The following NGEF variants were observed in gnomAD, a reference collection of about 807,000 sequenced individuals.
The protein encoded by NGEF is neuronal guanine nucleotide exchange factor.
Under a neutral mutation model 80.9 loss-of-function variants are expected in NGEF, and 31 were observed. The ratio of observed to expected loss-of-function variants is 0.38; its 90% CI spans 0.29 to 0.52. The LOEUF is 0.52. Among genes scored for constraint, NGEF ranks in the 20% least tolerant of loss-of-function variants. The probability of loss-of-function intolerance (pLI) is 0.84; values close to 1 mark genes in which losing one functional copy is unlikely to be tolerated. For synonymous variants in NGEF, 371 were observed against 370.2 expected (o/e 1.00, Z -0.03); for missense variants, 709 against 926.2 (o/e 0.77, Z 3.04).
At chr2:232,883,100 T>G (rs375105542) in intron 12 of NGEF, among the ~76,000 whole-genome samples, 1 of 151,128 alleles carries the variant, frequency 6.6e-6, no homozygotes, top group South Asian at 2.1e-4. Flanking sequence ...CGCACACACG[T>G]ACACGCGTAC....
chr2:232,993,226 A>AAATATATATATTTATTTTTATATAT (rs1342621051), intron 1 of NGEF, among the ~76,000 whole-genome samples: 1 of 42,878 alleles, frequency 2.3e-5, no homozygotes, highest in Non-Finnish European at 4.2e-5. Flanking sequence ...ATAGATACAC[A>AAATATATATATTTATTTTTATATAT]CATATATATG....
chr2:232,970,132 G>A (rs1168246939), intron 3 of NGEF, 82 bp downstream of exon 3: 2 of 688,952 alleles, frequency 2.9e-6, no homozygotes, highest in Non-Finnish European at 4.7e-6. Flanking sequence ...TGACACCCTC[G>A]TAACCCTGTC....
chr2:233,003,501 T>TG (rs1332656957), intron 1 of NGEF, among the ~76,000 whole-genome samples: 1 of 152,158 alleles, frequency 6.6e-6, no homozygotes, highest in East Asian at 1.9e-4. Context: ...TCCCCTTCCT[T>TG]GCTAATATCC....
intron 3 of NGEF, among the ~76,000 whole-genome samples, chr2:232,932,061 T>A (rs1366290628): frequency 6.6e-6 from 1 of 152,188 alleles, no homozygotes; most frequent in African/African-American, 2.4e-5. Context: ...TCCATACTTC[T>A]ACCAGCATTC....
At chr2:232,992,220 T>C (rs1302091351) in intron 1 of NGEF, among the ~76,000 whole-genome samples, 1 of 152,096 alleles carries the variant, frequency 6.6e-6, no homozygotes, top group Non-Finnish European at 1.5e-5. Flanking sequence ...AAATTGGACG[T>C]CATCAAAATT....
chr2:232,988,796 T>C lies in NGEF; in HGVS notation c.-74-13832A>G, dbSNP rs149519370. Among the ~76,000 whole-genome samples the C allele has an allele frequency of 1.5e-4, 23 of 152,138 alleles. No individual in the cohort carries two copies. In the East Asian group the frequency reaches 4.3e-3, roughly 28 times the overall value. On this transcript the variant is annotated intron_variant, in intron 1 of 14. Coordinates refer to ENST00000264051, the MANE Select transcript of NGEF (RefSeq NM_019850.3). ...CCACAGATGAGAAAATTCTAAACAT[T>C]TTCACAAATGGGAGATGATGCAGTT...
At chr2:232,929,019 C>T (rs1402864691) in intron 3 of NGEF, among the ~76,000 whole-genome samples, 1 of 152,232 alleles carries the variant, frequency 6.6e-6, no homozygotes, top group Non-Finnish European at 1.5e-5. Flanking sequence ...AGATGCCCCC[C>T]GCCTACCCTC....
intron 3 of NGEF, among the ~76,000 whole-genome samples, chr2:232,955,889 T>C (rs903968276): frequency 3.3e-5 from 5 of 152,226 alleles, no homozygotes; most frequent in Non-Finnish European, 7.3e-5. Flanking sequence ...TGTTTCTCAA[T>C]TGGGACTTCT....
At chr2:232,977,067 A>G (rs1285669748) in intron 1 of NGEF, among the ~76,000 whole-genome samples, 1 of 152,104 alleles carries the variant, frequency 6.6e-6, no homozygotes, top group African/African-American at 2.4e-5. Context: ...CTCCAGCGAG[A>G]TGGGGTGATT....
At chr2:232,906,100 T>C (rs183937105) in intron 5 of NGEF, among the ~76,000 whole-genome samples, 48,807 of 71,762 alleles carry the variant, frequency 0.68, 15,541 homozygotes, top group East Asian at 0.7. Flanking sequence ...TGGTCAGCCG[T>C]CCCGTCTGGG....
In NGEF at chr2:232,904,449, G is replaced by C. The variant is rs577476935; in HGVS notation, c.829-9533C>G. Among the ~76,000 whole-genome samples, 5 of 152,280 alleles carry C rather than the reference G, an allele frequency of 3.3e-5. No individual in the cohort carries two copies. The East Asian group carries it at 9.7e-4, about 29-fold the overall frequency. On this transcript the variant is annotated intron_variant, in intron 5 of 14. Coordinates refer to ENST00000264051, the MANE Select transcript of NGEF (RefSeq NM_019850.3). ...TCAGCATGTTGGCCAGGCTGGTCTC[G>C]AACTCCTGACCTCAGGTGATCCACC...
intron 1 of NGEF, among the ~76,000 whole-genome samples, chr2:233,010,801 G>C (rs544686970): frequency 1.3e-5 from 2 of 152,168 alleles, no homozygotes; most frequent in African/African-American, 4.8e-5. Flanking sequence ...GAGGAGTAAG[G>C]CTGAAGTCCT....
At chr2:233,001,476 G>A (rs1694976803) in intron 1 of NGEF, among the ~76,000 whole-genome samples, 1 of 152,186 alleles carries the variant, frequency 6.6e-6, no homozygotes, top group Admixed American at 6.5e-5. Context: ...CCCAGGAGTG[G>A]GCTGGAGGGA....
chr2:232,992,876 A>G (rs891649623), intron 1 of NGEF, among the ~76,000 whole-genome samples: 3 of 150,704 alleles, frequency 2.0e-5, no homozygotes, highest in African/African-American at 7.3e-5. Flanking sequence ...AGTTGCAGCT[A>G]TTCAGGAGGC....
At chr2:232,938,772 G>A (rs1693382707) in intron 3 of NGEF, among the ~76,000 whole-genome samples, 2 of 148,650 alleles carry the variant, frequency 1.3e-5, no homozygotes, top group African/African-American at 5.0e-5. Context: ...AATAAATACA[G>A]TAATTTCCTG....
chr2:232,882,210 C>T lies in NGEF; in HGVS notation c.1813G>A (p.Val605Ile). 4.3e-6 allele frequency: 7 copies of T among 1,613,826 alleles called. No individual in the cohort carries two copies. The highest frequency in any genetic ancestry group is 5.9e-6 in the Non-Finnish European group (7 of 1,179,948). The change falls in exon 13 of 15, where the codon GTT becomes ATT. Residue 605 changes from valine (V) to isoleucine (I), a missense_variant. By Grantham distance (29) the Val-to-Ile change is conservative. This residue lies in a region of NGEF where 426 missense variants were observed against 622.9 expected (regional missense o/e 0.68). Transcript: ENST00000264051. ...CCCAGCAGCCGGGATGTGAACGAAA[C>T]AAACTTGGTCCTCCTGTTGGGGGCC... is the stretch of plus-strand genomic sequence containing the variant. ...SLAPNRRTKF[V>I]SFTSRLLDCP...
At chr2:232,940,730 T>C (rs1369079293) in intron 3 of NGEF, among the ~76,000 whole-genome samples, 2 of 152,218 alleles carry the variant, frequency 1.3e-5, no homozygotes, top group African/African-American at 4.8e-5. Context: ...CAAAACTGGA[T>C]GGTAGTATGC....
intron 3 of NGEF, among the ~76,000 whole-genome samples, chr2:232,954,944 G>T (rs1282848629): frequency 6.6e-6 from 1 of 151,918 alleles, no homozygotes; most frequent in Non-Finnish European, 1.5e-5. Context: ...AACAGGTCAC[G>T]CACGTTGGGG....
At chr2:232,982,580 C>A (rs1694455890) in intron 1 of NGEF, among the ~76,000 whole-genome samples, 1 of 152,284 alleles carries the variant, frequency 6.6e-6, no homozygotes, top group East Asian at 1.9e-4. Context: ...GTGGCACGAT[C>A]TCAGCTAACT....
Sources: allele counts gnomAD v4.1 joint callset (sites outside exome capture counted in the v4.1 genomes callset), GRCh38; gene constraint gnomAD v4.1.1; regional missense constraint gnomAD v4.1.1; transcripts MANE v1.5; gene names NCBI Gene and HGNC (gene_info 2026-07-23, HGNC 2026-07-21).